The following HMGB3 variants were observed in gnomAD, a reference collection of about 807,000 sequenced individuals.
HMGB3 encodes high mobility group box 3, also known as high mobility group protein B3.
HMGB3 carries 1 observed loss-of-function variant against 12.9 expected under a neutral mutation model. The observed-to-expected ratio is 0.08, with a 90% confidence interval of 0.03 to 0.37. The LOEUF (loss-of-function observed/expected upper bound fraction) is 0.37, where lower values mean the gene tolerates loss of function less well. HMGB3 is among the 10% of genes least tolerant of loss of function. The pLI, the probability that HMGB3 is intolerant of heterozygous loss-of-function variation, is 0.99. For synonymous variants in HMGB3, 61 were observed against 53.9 expected, an observed-to-expected ratio of 1.13 and a Z score of -0.57; for missense variants, 74 against 153.3, an observed-to-expected ratio of 0.48 and a Z score of 2.73.
intron 1 of HMGB3, chrX:150,984,413 C>A (rs1356920303): frequency 9.8e-6 from 1 of 101,682 alleles, no homozygotes; most frequent in African/African-American, 3.5e-5. Flanking sequence ...CGCCGCCGCC[C>A]GCGCCGGCCG....
intron 3 of HMGB3, 69 bp from the exon 4 acceptor site, chrX:150,987,059 G>T: frequency 1.2e-6 from 1 of 841,046 alleles, no homozygotes. Flanking sequence ...TGCTTCTCAG[G>T]AATGTGGGAT....
At position 150,990,093 on chromosome X, in the gene HMGB3, C is replaced by T; in HGVS notation, c.*2179C>T. Reference sequence around the variant, plus strand: ...ATTCTAAGCTAAAGCTTTAGCTTCCCAATTCGTGATGTGCTAGGCCAAGAT... The same window carrying T: ...ATTCTAAGCTAAAGCTTTAGCTTCCTAATTCGTGATGTGCTAGGCCAAGAT... On this transcript the variant is annotated 3_prime_UTR_variant, in exon 5 of 5. Transcript: ENST00000325307. 8.9e-6 allele frequency: 1 copy of T among 112,219 alleles called. No homozygotes were observed. Among genetic ancestry groups the T allele is most frequent in the African/African-American group, 3.2e-5 (1 of 30,904 alleles). The allele number at this position is 112,219 out of a possible 1,213,427, so 9.2% of individuals were successfully genotyped here. A position where few individuals can be genotyped will look rare whatever the true frequency, so the allele number is the denominator to read the frequency against.
upstream of HMGB3, chrX:150,983,143 G>A (rs930158275): frequency 6.2e-5 from 18 of 288,291 alleles, no homozygotes; most frequent in Non-Finnish European, 7.5e-5. Flanking sequence ...CTCCGTAGCC[G>A]GCGCCGGCGG....
intron 1 of HMGB3, among the ~76,000 whole-genome samples, chrX:150,984,897 A>G (rs2048036025): frequency 8.9e-6 from 1 of 112,002 alleles, no homozygotes; most frequent in South Asian, 3.7e-4. Flanking sequence ...ACTTTGGAGA[A>G]AGTGTTCTCG....
chrX:150,982,400 A>AC (rs1272429778), upstream of HMGB3, among the ~76,000 whole-genome samples: 1 of 111,932 alleles, frequency 8.9e-6, no homozygotes, highest in Non-Finnish European at 1.9e-5. Flanking sequence ...AGGCCATACC[A>AC]CCAGCCAATG....
chrX:150,985,505 G>C (rs1298003913), intron 1 of HMGB3, 90 bp from the exon 2 acceptor site: 2 of 708,153 alleles, frequency 2.8e-6, no homozygotes, highest in African/African-American at 4.3e-5. Context: ...TGTAGTTTTA[G>C]TTTTGCTCTG....
intron 1 of HMGB3, 176 bp downstream of exon 1, chrX:150,983,552 T>G (rs2048012388): frequency 5.4e-6 from 4 of 746,629 alleles, no homozygotes; most frequent in Non-Finnish European, 6.3e-6. Context: ...CCCTCCGCCT[T>G]CCCTCCTGCT....
intron 1 of HMGB3, chrX:150,984,698 C>T (rs1163953700): frequency 1.3e-5 from 4 of 305,977 alleles, no homozygotes; most frequent in African/African-American, 2.9e-5. Context: ...GGGACTCCCC[C>T]GCTCCCGGTC....
upstream of HMGB3, among the ~76,000 whole-genome samples, chrX:150,981,197 T>C (rs782249714): frequency 1.1e-4 from 12 of 109,360 alleles, no homozygotes; most frequent in Non-Finnish European, 1.7e-4. Context: ...TGGCCTGCCA[T>C]GAACTATCTG....
chrX:150,985,666 T>C lies in HMGB3; in HGVS notation c.67T>C (p.Cys23Arg). ...CGCTTATGCCTTCTTTGTGCAGACA[T>C]GCAGAGAAGAACATAAGAAGAAAAA... Reference protein sequence around the residue: ...MSAYAFFVQTCREEHKKKNPE... With the variant: ...MSAYAFFVQTRREEHKKKNPE... Residue 23 changes from cysteine to arginine, a missense_variant, in exon 2 of 5, where the codon TGC (cysteine) becomes CGC (arginine). By Grantham distance (180) the Cys-to-Arg change is radical. Around this residue, in one of 2 missense-constraint regions of HMGB3, gnomAD observed 45 missense variants for 123.8 expected, o/e 0.36. Coordinates refer to ENST00000325307, the MANE Select transcript of HMGB3 (RefSeq NM_005342.4). 8.3e-7 allele frequency: 1 copy of C among 1,206,791 alleles called. No individual in the cohort carries two copies. The highest frequency in any genetic ancestry group is 1.1e-6 in the Non-Finnish European group (1 of 892,134).
At chrX:150,986,933 C>T (rs1023047720) in intron 3 of HMGB3, among the ~76,000 whole-genome samples, 195 bp from the exon 4 acceptor site, 22 of 112,048 alleles carry the variant, frequency 2.0e-4, no homozygotes, top group African/African-American at 7.1e-4. Flanking sequence ...AGGCGTGAGC[C>T]GCGCACCACA....
rs1209551780 is a variant in HMGB3, at chrX:150,983,372, T to A, written c.-10T>A. ...CTGCGCTGCCCAGACTAGCGAACAA[T>A]ACAGGTACGTCTCGCACCGCCCGCT... On this transcript the variant is annotated 5_prime_UTR_variant, in exon 1 of 5. Coordinates refer to ENST00000325307, the MANE Select transcript of HMGB3 (RefSeq NM_005342.4). 3.7e-5 allele frequency: 28 copies of A among 757,908 alleles called. No homozygotes were observed. Among genetic ancestry groups the A allele is most frequent in the Non-Finnish European group, 4.2e-5 (27 of 644,997 alleles). The allele number at this position is 757,908 out of a possible 1,213,427, so 62.5% of individuals were successfully genotyped here. A position where few individuals can be genotyped will look rare whatever the true frequency, so the allele number is the denominator to read the frequency against.
chrX:150,983,741 G>T (rs1479891705), intron 1 of HMGB3: 1 of 200,440 alleles, frequency 5.0e-6, no homozygotes, highest in Non-Finnish European at 7.5e-6. Context: ...GGCTGCGGCG[G>T]CTGGGCGAGC....
At chrX:150,986,406 T>C (rs886847542) in intron 3 of HMGB3, among the ~76,000 whole-genome samples, 1 of 110,187 alleles carries the variant, frequency 9.1e-6, no homozygotes, top group Admixed American at 9.9e-5. Flanking sequence ...TGGGCTGTGC[T>C]TGCACATTCA....
At chrX:150,984,188 G>C (rs1603339416) in intron 1 of HMGB3, among the ~76,000 whole-genome samples, 1 of 96,527 alleles carries the variant, frequency 1.0e-5, no homozygotes, top group Non-Finnish European at 2.1e-5. Context: ...CGGCTCGGAG[G>C]GCCGGGGGCG....
At chrX:150,983,516 C>T in intron 1 of HMGB3, 140 bp downstream of exon 1, 2 of 726,368 alleles carry the variant, frequency 2.8e-6, no homozygotes, top group Non-Finnish European at 3.3e-6. Flanking sequence ...CCTCCCCCTG[C>T]CTCTACTCCC....
At chrX:150,984,523 A>ACCG (rs1478739271) in intron 1 of HMGB3, 1 of 484,565 alleles carries the variant, frequency 2.1e-6, no homozygotes, top group East Asian at 2.0e-4. Context: ...CCCCCCGCGC[A>ACCG]CCGCCACCGC....
chrX:150,989,228 AT>A lies in HMGB3; in HGVS notation c.*1317del, dbSNP rs2048088468. ...TATCACATTATTTGTGGTGCCCAAC[AT>A]TTGGGGTCTTGAGCCTGCTGCTGGT... On this transcript the variant is annotated 3_prime_UTR_variant, in exon 5 of 5. Transcript: ENST00000325307. 1 of 110,944 alleles carries A rather than the reference AT, an allele frequency of 9.0e-6. No homozygotes were observed. The highest frequency in any genetic ancestry group is 1.9e-5 in the Non-Finnish European group (1 of 52,983). The allele number at this position is 110,944 out of a possible 1,213,427, so 9.1% of individuals were successfully genotyped here.
rs1317598239 is a variant in HMGB3 at position 150,986,034 on chromosome X, A to T, written c.151-17A>T. 4.2e-6 allele frequency: 5 copies of T among 1,199,579 alleles called. No individual in the cohort carries two copies. In the African/African-American group the frequency reaches 8.8e-5, roughly 21 times the overall value. ...GTTCACTGCATCGAGGGATTTAACG[A>T]GTCCTGTTCTTTGCAGACGATGTCC... On this transcript the variant is annotated splice_polypyrimidine_tract_variant and intron_variant, in intron 2 of 4. Transcript: ENST00000325307.
Sources: allele counts gnomAD v4.1 joint callset (sites outside exome capture counted in the v4.1 genomes callset), GRCh38; gene constraint gnomAD v4.1.1; regional missense constraint gnomAD v4.1.1; transcripts MANE v1.5; gene names NCBI Gene and HGNC (gene_info 2026-07-23, HGNC 2026-07-21).